The following NRG3 variants were observed in gnomAD, a reference collection of about 807,000 sequenced individuals.
The protein encoded by NRG3 is pro-neuregulin-3, membrane-bound isoform.
A neutral mutation model predicts 66.9 loss-of-function variants in NRG3; 31 were observed. The ratio of observed to expected loss-of-function variants is 0.46; its 90% confidence interval spans 0.35 to 0.63. The LOEUF (loss-of-function observed/expected upper bound fraction) is 0.63. Among genes scored for constraint, NRG3 ranks in the 20% least tolerant of loss-of-function variants. The pLI is 0.00. For missense variants in NRG3, 910 were observed against 878.9 expected, an observed-to-expected ratio of 1.04 and a Z score of -0.45; for synonymous variants, 393 against 359.4, an observed-to-expected ratio of 1.09 and a Z score of -1.06.
chr10:82,718,496 A>T (rs915348), intron 2 of NRG3, among the ~76,000 whole-genome samples: 1 of 152,102 alleles, frequency 6.6e-6, no homozygotes, highest in Non-Finnish European at 1.5e-5. Context: ...GTGATTTAAA[A>T]GTTTTTCAAT....
chr10:82,984,009 A>G (rs1195994963), intron 8 of NRG3, among the ~76,000 whole-genome samples: 1 of 152,260 alleles, frequency 6.6e-6, no homozygotes, highest in Non-Finnish European at 1.5e-5. Flanking sequence ...TATTATCTAC[A>G]TGTATAAACA....
At chr10:82,166,280 AAGTGCT>A (rs2072054743) in intron 1 of NRG3, among the ~76,000 whole-genome samples, 1 of 152,112 alleles carries the variant, frequency 6.6e-6, no homozygotes, top group South Asian at 2.1e-4. Flanking sequence ...TGGCCTCCCA[AAGTGCT>A]GGGATTACAG....
At position 82,721,787 on chromosome 10, in the gene NRG3, C is replaced by T. The variant is rs139560245; in HGVS notation, c.954-16790C>T. On this transcript the variant is annotated intron_variant, in intron 2 of 8. Coordinates refer to ENST00000372141, the MANE Select transcript of NRG3 (RefSeq NM_001010848.4). The stretch of plus-strand genomic sequence containing the variant: ...TCACTATTTGAGAGAATATCCCCTA[C>T]GTTGCCTTCTGTAGCTTACCTATCC... Among the ~76,000 whole-genome samples, 39 of 152,250 alleles carry T rather than the reference C, an allele frequency of 2.6e-4. 1 individual carries two copies. The South Asian group carries it at 4.1e-3, about 16-fold the overall frequency.
chr10:82,106,117 C>T (rs2067045587), intron 1 of NRG3, among the ~76,000 whole-genome samples: 1 of 152,068 alleles, frequency 6.6e-6, no homozygotes, highest in Non-Finnish European at 1.5e-5. Flanking sequence ...CTGACATAGA[C>T]CAACACTGCA....
At chr10:82,187,306 A>G (rs1326876998) in intron 1 of NRG3, among the ~76,000 whole-genome samples, 4 of 152,068 alleles carry the variant, frequency 2.6e-5, no homozygotes, top group African/African-American at 9.7e-5. Context: ...TCTTGAGAGG[A>G]GGTAGTTTTA....
At chr10:82,790,612 T>C (rs2060548087) in intron 3 of NRG3, among the ~76,000 whole-genome samples, 1 of 152,152 alleles carries the variant, frequency 6.6e-6, no homozygotes, top group Non-Finnish European at 1.5e-5. Flanking sequence ...GAATTAATAT[T>C]TGTTAACAAA....
At chr10:82,837,033 G>A (rs2062816543) in intron 3 of NRG3, among the ~76,000 whole-genome samples, 1 of 152,170 alleles carries the variant, frequency 6.6e-6, no homozygotes, top group South Asian at 2.1e-4. Flanking sequence ...GAGAATGATG[G>A]TTTCCAGCTT....
At chr10:82,774,827 T>C (rs1247871953) in intron 3 of NRG3, among the ~76,000 whole-genome samples, 36 of 137,564 alleles carry the variant, frequency 2.6e-4, no homozygotes, top group East Asian at 6.0e-4. Flanking sequence ...TTTTCTTTTT[T>C]TTTTTTTTTT....
intron 1 of NRG3, among the ~76,000 whole-genome samples, chr10:82,096,165 G>A (rs1008404097): frequency 6.6e-6 from 1 of 152,052 alleles, no homozygotes; most frequent in Non-Finnish European, 1.5e-5. Flanking sequence ...GAAAATTTTC[G>A]ATACTTTATG....
intron 4 of NRG3, among the ~76,000 whole-genome samples, chr10:82,878,713 C>T (rs568332149): frequency 2.2e-4 from 34 of 152,190 alleles, no homozygotes; most frequent in South Asian, 1.0e-3. Context: ...AATACTGGCT[C>T]TCATCAGCAA....
intron 1 of NRG3, among the ~76,000 whole-genome samples, chr10:82,239,809 C>A (rs1033234804): frequency 6.6e-6 from 1 of 151,878 alleles, no homozygotes; most frequent in African/African-American, 2.4e-5. Flanking sequence ...TAGCTTAGTT[C>A]CAGTTTTATT....
At chr10:82,751,765 T>C (rs766010435) in intron 3 of NRG3, among the ~76,000 whole-genome samples, 11 of 152,140 alleles carry the variant, frequency 7.2e-5, no homozygotes, top group African/African-American at 1.9e-4. Context: ...AAGAACTAAA[T>C]TGAGAGATAA....
At chr10:82,357,880 T>C (rs1415404834) in intron 1 of NRG3, among the ~76,000 whole-genome samples, 3 of 152,232 alleles carry the variant, frequency 2.0e-5, no homozygotes, top group African/African-American at 4.8e-5. Flanking sequence ...AGCTTAAGCA[T>C]TGAATAATTT....
chr10:82,716,194 G>A (rs752814587), intron 2 of NRG3, among the ~76,000 whole-genome samples: 1 of 152,022 alleles, frequency 6.6e-6, no homozygotes, highest in South Asian at 2.1e-4. Context: ...AGAAAACAAC[G>A]ACACGAAGAC....
intron 1 of NRG3, among the ~76,000 whole-genome samples, chr10:82,282,711 G>C (rs928075848): frequency 6.6e-6 from 1 of 151,814 alleles, no homozygotes; most frequent in African/African-American, 2.4e-5. Flanking sequence ...CATCCTCACT[G>C]TTAGGAACGA....
chr10:82,689,435 G>T (rs1470216320), intron 2 of NRG3, among the ~76,000 whole-genome samples: 2 of 152,012 alleles, frequency 1.3e-5, no homozygotes, highest in African/African-American at 4.8e-5. Context: ...CATTTGTAAT[G>T]TCTAGAAATC....
At chr10:82,491,925 A>C (rs1843182254) in intron 2 of NRG3, among the ~76,000 whole-genome samples, 1 of 152,234 alleles carries the variant, frequency 6.6e-6, no homozygotes, top group South Asian at 2.1e-4. Context: ...CTTTGGAATA[A>C]CAGGAAGAAC....
intron 3 of NRG3, among the ~76,000 whole-genome samples, chr10:82,781,875 G>T (rs1029432668): frequency 2.0e-5 from 3 of 151,694 alleles, no homozygotes; most frequent in Non-Finnish European, 4.4e-5. Flanking sequence ...GGGAAAATGG[G>T]TCCATCAGGA....
chr10:82,555,876 C>A (rs1038108580), intron 2 of NRG3, among the ~76,000 whole-genome samples: 3 of 152,142 alleles, frequency 2.0e-5, no homozygotes, highest in Non-Finnish European at 2.9e-5. Context: ...CCTGCTACCA[C>A]CCTATTTCTT....
Sources: allele counts gnomAD v4.1 joint callset (sites outside exome capture counted in the v4.1 genomes callset), GRCh38; gene constraint gnomAD v4.1.1; transcripts MANE v1.5; gene names NCBI Gene and HGNC (gene_info 2026-07-23, HGNC 2026-07-21).